WDR70: variants seen among roughly 807,000 people sequenced by gnomAD.
WDR70 encodes the protein WD repeat domain 70.
Under a neutral mutation model 88.6 loss-of-function variants are expected in WDR70, and 53 were observed. The ratio of observed to expected loss-of-function variants is 0.60; its 90% CI spans 0.48 to 0.75. The LOEUF (loss-of-function observed/expected upper bound fraction) is 0.75. WDR70 is among the 30% of genes least tolerant of loss of function. The pLI is 0.00. For synonymous variants in WDR70, 280 were observed against 270.0 expected (o/e 1.04, Z -0.36); for missense variants, 610 against 823.2 (o/e 0.74, Z 3.17).
intron 9 of WDR70, among the ~76,000 whole-genome samples, chr5:37,532,032 G>A (rs1741508156): frequency 6.6e-6 from 1 of 152,116 alleles, no homozygotes. Flanking sequence ...AGTTTCACTG[G>A]ATACAAAATT....
intron 2 of WDR70, among the ~76,000 whole-genome samples, chr5:37,379,852 T>A (rs1329784365): frequency 3.3e-5 from 5 of 152,192 alleles, no homozygotes; most frequent in African/African-American, 9.7e-5. Context: ...CGAGGATTTT[T>A]AAAAATACGT....
intron 17 of WDR70, among the ~76,000 whole-genome samples, chr5:37,728,596 C>T (rs1402554387): frequency 6.6e-6 from 1 of 151,942 alleles, no homozygotes; most frequent in Non-Finnish European, 1.5e-5. Context: ...GGAATGAGAC[C>T]ATGCATGTTT....
intron 9 of WDR70, among the ~76,000 whole-genome samples, chr5:37,527,766 G>T (rs1447508062): frequency 6.6e-6 from 1 of 152,108 alleles, no homozygotes; most frequent in African/African-American, 2.4e-5. Context: ...AATCTAGAAA[G>T]AACTCAAAGA....
At chr5:37,716,793 T>C (rs760639768) in intron 13 of WDR70, among the ~76,000 whole-genome samples, 1 of 152,182 alleles carries the variant, frequency 6.6e-6, no homozygotes, top group Non-Finnish European at 1.5e-5. Context: ...TTTGCTTCCC[T>C]GGTTCCTCTA....
intron 16 of WDR70, among the ~76,000 whole-genome samples, chr5:37,725,720 A>G (rs1747952038): frequency 6.6e-6 from 1 of 151,832 alleles, no homozygotes; most frequent in Non-Finnish European, 1.5e-5. Context: ...TCCAAAAAAG[A>G]TTTTTTCTTG....
intron 9 of WDR70, among the ~76,000 whole-genome samples, chr5:37,600,527 A>C (rs78520916): frequency 1.6e-4 from 5 of 32,184 alleles, no homozygotes; most frequent in African/African-American, 7.9e-4. Context: ...ACTCCGTCTC[A>C]AAAAAAAAAA....
intron 5 of WDR70, among the ~76,000 whole-genome samples, chr5:37,415,615 A>AC (rs529270924): frequency 0.18 from 20,603 of 115,658 alleles, 2,433 homozygotes; most frequent in East Asian, 0.36. Context: ...CGAGGGGCTG[A>AC]CCCCCCCCAC....
intron 5 of WDR70, 56 bp downstream of exon 5, chr5:37,396,626 G>A: frequency 2.0e-6 from 3 of 1,495,656 alleles, no homozygotes; most frequent in Admixed American, 4.5e-5. Context: ...TTACTGTAGA[G>A]ATCAGTTCTG....
chr5:37,383,495 C>T (rs1428854013), intron 3 of WDR70, among the ~76,000 whole-genome samples: 4 of 152,092 alleles, frequency 2.6e-5, no homozygotes, highest in Non-Finnish European at 5.9e-5. Flanking sequence ...CTTGTGACCT[C>T]AGGTGATCCG....
chr5:37,568,580 G>GT (rs1184227067), intron 9 of WDR70, among the ~76,000 whole-genome samples: 5 of 152,080 alleles, frequency 3.3e-5, no homozygotes, highest in Non-Finnish European at 7.4e-5. Context: ...ATCATGGCAT[G>GT]TTTTTTACAA....
chr5:37,677,182 T>C (rs367867401), intron 10 of WDR70, among the ~76,000 whole-genome samples: 11 of 152,174 alleles, frequency 7.2e-5, no homozygotes, highest in South Asian at 4.2e-4. Context: ...TTTCAAAAAA[T>C]CAGCTCCTGG....
At chr5:37,593,644 T>C (rs965944055) in intron 9 of WDR70, among the ~76,000 whole-genome samples, 2 of 152,244 alleles carry the variant, frequency 1.3e-5, no homozygotes, top group African/African-American at 2.4e-5. Context: ...GCAAGATTTA[T>C]AATCCTTTGG....
rs553181 is a variant in WDR70 at position 37,562,105 on chromosome 5, C to T, written c.918-42959C>T. 9.8e-3 allele frequency among the ~76,000 whole-genome samples: 1,495 copies of T among 152,268 alleles called. 29 individuals are homozygous for T. Among genetic ancestry groups the T allele is most frequent in the African/African-American group, 0.034 (1,415 of 41,532 alleles). On this transcript the variant is annotated intron_variant, in intron 9 of 17. Transcript: ENST00000265107. ...GGGCGCGGTGGCTCATGCCTGTTAT[C>T]TCAGCACTTTGGGAGGCCAAGGCAG...
intron 9 of WDR70, among the ~76,000 whole-genome samples, chr5:37,540,498 C>T (rs1741786025): frequency 6.6e-6 from 1 of 152,208 alleles, no homozygotes; most frequent in African/African-American, 2.4e-5. Flanking sequence ...TCTCCTGCCT[C>T]AGCCTCCTGA....
intron 8 of WDR70, among the ~76,000 whole-genome samples, chr5:37,491,573 G>A (rs1270019763): frequency 6.6e-6 from 1 of 152,176 alleles, no homozygotes; most frequent in Non-Finnish European, 1.5e-5. Context: ...ATCTCCATTA[G>A]CGGATCTTAG....
intron 13 of WDR70, 151 bp from the exon 14 acceptor site, chr5:37,720,964 C>T (rs1198187662): frequency 1.5e-6 from 1 of 655,214 alleles, no homozygotes; most frequent in African/African-American, 1.8e-5. Flanking sequence ...TTCAGGAACA[C>T]AACTTTATGG....
chr5:37,396,553 G>C lies in WDR70; in HGVS notation c.475G>C (p.Glu159Gln). ...AGAAGAAGCAGAGGAAGAAGAAGAG[G>C]AAGAGGAGGAAGAGGAAGTAAGTAT... ...EEEEAEEEEE[E>Q]EEEEENPVHK... is the part of the protein sequence containing the mutation. The change falls in exon 5 of 18, where the codon GAA becomes CAA. Residue 159 changes from glutamate to glutamine, a missense_variant. Coordinates refer to ENST00000265107, the MANE Select transcript of WDR70 (RefSeq NM_018034.4). The C allele has an allele frequency of 6.2e-7, 1 of 1,610,374 alleles. No individual in the cohort carries two copies.
chr5:37,575,625 TAG>T (rs1743030220), intron 9 of WDR70, among the ~76,000 whole-genome samples: 1 of 152,326 alleles, frequency 6.6e-6, no homozygotes, highest in Non-Finnish European at 1.5e-5. Flanking sequence ...CCCAACTCCG[TAG>T]AGACAGAAGC....
intron 5 of WDR70, among the ~76,000 whole-genome samples, chr5:37,398,234 A>G (rs1415150762): frequency 4.0e-5 from 6 of 151,312 alleles, no homozygotes; most frequent in African/African-American, 9.7e-5. Flanking sequence ...GACTACAGGC[A>G]CCCGCCACCA....
Sources: gnomAD v4.1 joint callset for allele counts (sites outside exome capture counted in the v4.1 genomes callset) on GRCh38, gnomAD v4.1.1 for gene constraint, MANE v1.5 for transcripts, NCBI Gene and HGNC (gene_info 2026-07-23, HGNC 2026-07-21) for gene names.